The following ASB15 variants were observed in gnomAD, a reference collection of about 807,000 sequenced individuals.
ASB15 encodes the protein ankyrin repeat and SOCS box protein 15.
In ASB15, 54 loss-of-function variants were observed where a neutral mutation model predicts 58.0. The observed-to-expected ratio is 0.93, with a 90% CI of 0.75 to 1.17. The LOEUF is 1.17. ASB15 is among the 50% of genes most tolerant of loss of function. The probability of loss-of-function intolerance (pLI) is 0.00; values close to 1 mark genes in which losing one functional copy is unlikely to be tolerated. For synonymous variants in ASB15, 249 were observed against 262.4 expected (o/e 0.95, Z 0.50); for missense variants, 680 against 707.4 (o/e 0.96, Z 0.44).
At chr7:123,625,087 A>G (rs1255068911) in intron 8 of ASB15, 2 of 378,694 alleles carry the variant, frequency 5.3e-6, no homozygotes, top group Admixed American at 8.5e-5. Context: ...ATGGCCCATC[A>G]GGGCCTCATG....
At chr7:123,596,422 AAG>A (rs1799694707) in intron 1 of ASB15, 1 of 152,170 alleles carries the variant, frequency 6.6e-6, no homozygotes, top group East Asian at 1.9e-4. Flanking sequence ...CCTGGACAAC[AAG>A]GTCAAACCCC....
intron 7 of ASB15, among the ~76,000 whole-genome samples, chr7:123,619,725 G>A (rs939000590): frequency 6.6e-6 from 1 of 152,072 alleles, no homozygotes; most frequent in South Asian, 2.1e-4. Context: ...GGGTTTCACC[G>A]TGTTAGCCAG....
At chr7:123,583,788 G>A (rs1243853373) in intron 1 of ASB15, among the ~76,000 whole-genome samples, 5 of 151,934 alleles carry the variant, frequency 3.3e-5, no homozygotes, top group Admixed American at 3.3e-4. Context: ...AAGCAAAGTA[G>A]AGGGGGGACA....
At position 123,627,027 on chromosome 7, in the gene ASB15, C is replaced by T. The variant is rs115628358; in HGVS notation, c.698-83C>T. 1.1e-3 allele frequency: 1,547 copies of T among 1,428,360 alleles called. 17 individuals are homozygous for T. In the African/African-American group the frequency reaches 0.019, roughly 18 times the overall value. 88.5% of individuals were successfully genotyped at this position (1,428,360 alleles called of 1,614,324 possible). On this transcript the variant is annotated intron_variant, in intron 8 of 11. Coordinates refer to ENST00000451215, the MANE Select transcript of ASB15 (RefSeq NM_001290258.2). ...GGATTACAGGTGTGAGCCACCATGC[C>T]CAGCCCCACAACAGGCTGTTTTTAA...
At chr7:123,595,802 C>G (rs1296551278) in intron 1 of ASB15, among the ~76,000 whole-genome samples, 1 of 152,146 alleles carries the variant, frequency 6.6e-6, no homozygotes, top group African/African-American at 2.4e-5. Flanking sequence ...CCCAAAGCCC[C>G]CTTGAAAGTA....
chr7:123,630,721 A>C (rs1316630398), intron 11 of ASB15, among the ~76,000 whole-genome samples: 1 of 152,254 alleles, frequency 6.6e-6, no homozygotes, highest in East Asian at 1.9e-4. Context: ...AAAATATCAT[A>C]GATTTGAGAT....
In ASB15 at chr7:123,624,755, C is replaced by T; in HGVS notation, c.638C>T (p.Pro213Leu). 6.2e-7 allele frequency: 1 copy of T among 1,613,866 alleles called. No individual in the cohort carries two copies. The highest frequency in any genetic ancestry group is 8.5e-7 in the Non-Finnish European group (1 of 1,179,762). ...VHLRDGFGVTPLGVAAEYGHC... is the reference protein window; with the variant it reads ...VHLRDGFGVTLLGVAAEYGHC... The stretch of plus-strand genomic sequence containing the variant: ...CTGAGAGATGGATTTGGAGTCACAC[C>T]ACTAGGCGTCGCTGCCGAGTATGGT... The change falls in exon 8 of 12, where the codon CCA becomes CTA. Residue 213 changes from proline to leucine, a missense_variant. By Grantham distance (98) the Pro-to-Leu change is moderately conservative (BLOSUM62 -3). Coordinates refer to ENST00000451215, the MANE Select transcript of ASB15 (RefSeq NM_001290258.2).
intron 3 of ASB15, chr7:123,608,929 G>T (rs886573149): frequency 6.9e-6 from 1 of 144,282 alleles, no homozygotes; most frequent in Middle Eastern, 3.8e-3. Context: ...ATGAGAATTC[G>T]TATTGTTTGG....
chr7:123,570,716 AT>A (rs1798887388), intron 1 of ASB15, among the ~76,000 whole-genome samples: 1 of 140,762 alleles, frequency 7.1e-6, no homozygotes, highest in African/African-American at 2.6e-5. Flanking sequence ...CAAGGGAGCT[AT>A]CAGACAATTT....
upstream of ASB15, among the ~76,000 whole-genome samples, chr7:123,600,391 A>G (rs1214295813): frequency 1.3e-5 from 2 of 152,346 alleles, no homozygotes; most frequent in African/African-American, 4.8e-5. Flanking sequence ...TTAGTTTAAG[A>G]GCAGAAAAGT....
At position 123,620,525 on chromosome 7, in the gene ASB15, TATATATATATATATATATATATATA is replaced by T. The variant is rs1562933179; in HGVS notation, c.451+2789_451+2813del. ...ATACATACATATATATATATATATA[TATATATATATATATATATATATATA>T]TATATTTTTTTTTTTTTTTTTTTTT... On this transcript the variant is annotated intron_variant, in intron 7 of 11. Coordinates refer to ENST00000451215, the MANE Select transcript of ASB15 (RefSeq NM_001290258.2). Among the ~76,000 whole-genome samples the T allele has an allele frequency of 2.4e-3, 40 of 16,370 alleles. 2 individuals carry two copies. Among genetic ancestry groups the T allele is most frequent in the Non-Finnish European group, 5.1e-3 (34 of 6,642 alleles). The allele number at this position is 16,370 out of a possible 152,430, so 10.7% of individuals were successfully genotyped here. A position where few individuals can be genotyped will look rare whatever the true frequency, so the allele number is the denominator to read the frequency against.
chr7:123,622,754 C>A (rs976557505), intron 7 of ASB15: 1 of 152,104 alleles, frequency 6.6e-6, no homozygotes. Flanking sequence ...GATGTTTGCT[C>A]TGCAATAACA....
chr7:123,611,968 G>GAA (rs370674150), intron 3 of ASB15, among the ~76,000 whole-genome samples: 1 of 142,522 alleles, frequency 7.0e-6, no homozygotes, highest in Non-Finnish European at 1.5e-5. Context: ...GATAGTAGGA[G>GAA]AAAAAAAAAA....
chr7:123,585,642 T>C (rs1799356245), intron 1 of ASB15, among the ~76,000 whole-genome samples: 1 of 151,370 alleles, frequency 6.6e-6, no homozygotes, highest in Non-Finnish European at 1.5e-5. Context: ...TATTTGTGTG[T>C]GTGTGTGTGT....
rs541047317 is a variant in ASB15 at position 123,626,198 on chromosome 7, T to G, written c.698-912T>G. On this transcript the variant is annotated intron_variant, in intron 8 of 11. Coordinates refer to ENST00000451215, the MANE Select transcript of ASB15 (RefSeq NM_001290258.2). The stretch of plus-strand genomic sequence containing the variant: ...TTGTTAATACTTTATTAACTGTAAG[T>G]ATTTGTTAAGTTAAAATAGAGGGGG... 2.6e-5 allele frequency among the ~76,000 whole-genome samples: 4 copies of G among 152,370 alleles called. No individual in the cohort carries two copies. The South Asian group carries it at 8.3e-4, about 32-fold the overall frequency.
rs746029205 is a variant in ASB15 at position 123,627,252 on chromosome 7, A to G, written c.840A>G (p.Ile280Met). 7 of 1,613,700 alleles carry G rather than the reference A, an allele frequency of 4.3e-6. No individual in the cohort carries two copies. The highest frequency in any genetic ancestry group is 5.9e-6 in the Non-Finnish European group (7 of 1,179,792). Residue 280 changes from isoleucine to methionine, a missense_variant, in exon 9 of 12, where the codon ATA becomes ATG. Physicochemically the swap from Ile to Met is conservative, Grantham distance 10. Coordinates refer to ENST00000451215, the MANE Select transcript of ASB15 (RefSeq NM_001290258.2). ...CTAACCGAGCAGGACATCTTCCTATACACCGAGCTGCCTATGAGGGGCATT... is the reference window on the plus strand; with the variant it reads ...CTAACCGAGCAGGACATCTTCCTATGCACCGAGCTGCCTATGAGGGGCATT... ...NVPNRAGHLP[I>M]HRAAYEGHYL...
At chr7:123,626,930 G>C (rs980408213) in intron 8 of ASB15, among the ~76,000 whole-genome samples, 180 bp from the exon 9 acceptor site, 1 of 152,142 alleles carries the variant, frequency 6.6e-6, no homozygotes, top group East Asian at 1.9e-4. Context: ...TTGAGACAGG[G>C]TTTCACCATG....
chr7:123,590,334 C>T (rs1378203451), intron 1 of ASB15, among the ~76,000 whole-genome samples: 3 of 152,086 alleles, frequency 2.0e-5, no homozygotes, highest in Non-Finnish European at 4.4e-5. Flanking sequence ...AATTAGATCC[C>T]ATTTGTCTAT....
In ASB15 at chr7:123,619,179, C is replaced by CAAAAAAAA. The variant is rs528943780; in HGVS notation, c.451+1459_451+1466dup. On this transcript the variant is annotated intron_variant, in intron 7 of 11. Coordinates refer to ENST00000451215, the MANE Select transcript of ASB15 (RefSeq NM_001290258.2). ...TGGACGACAGAGAGAGACGCCGTCT[C>CAAAAAAAA]AAAAAAAAAAAAAAAAAAAAAAAAG... Among the ~76,000 whole-genome samples, 9 of 55,260 alleles carry CAAAAAAAA rather than the reference C, an allele frequency of 1.6e-4. 1 individual carries two copies. Among genetic ancestry groups the CAAAAAAAA allele is most frequent in the African/African-American group, 5.2e-4 (6 of 11,634 alleles). 36.3% of individuals were successfully genotyped at this position (55,260 alleles called of 152,430 possible). A position where few individuals can be genotyped will look rare whatever the true frequency, so the allele number is the denominator to read the frequency against.
Sources: gnomAD v4.1 joint callset for allele counts (sites outside exome capture counted in the v4.1 genomes callset) on GRCh38, gnomAD v4.1.1 for gene constraint, MANE v1.5 for transcripts, NCBI Gene and HGNC (gene_info 2026-07-23, HGNC 2026-07-21) for gene names.